Variants in CTNNA3 observed in about 807,000 individuals in gnomAD.
CTNNA3 encodes the protein catenin alpha 3, also known as catenin alpha-3.
A neutral mutation model predicts 95.7 loss-of-function variants in CTNNA3; 76 were observed. That is an observed-to-expected ratio of 0.79 (90% confidence interval 0.66 to 0.96). CTNNA3 has a LOEUF of 0.96. Among genes scored for constraint, CTNNA3 ranks in the 40% least tolerant of loss-of-function variants. CTNNA3 has a pLI of 0.00. For synonymous variants in CTNNA3, 431 were observed against 374.4 expected (o/e 1.15, Z -1.74); for missense variants, 1,191 against 1,089.8 (o/e 1.09, Z -1.31).
rs759911889 is a variant in CTNNA3 at position 66,360,647 on chromosome 10, C to CTTTTCT, written c.1732+18504_1732+18505insAGAAAA. 2.3e-3 allele frequency among the ~76,000 whole-genome samples: 143 copies of CTTTTCT among 61,528 alleles called. 4 individuals carry two copies. The East Asian group carries it at 0.045, about 19-fold the overall frequency. 40.4% of individuals were successfully genotyped at this position (61,528 alleles called of 152,430 possible). A position where few individuals can be genotyped will look rare whatever the true frequency, so the allele number is the denominator to read the frequency against. ...TCTTTCTTTCTTTCTTTCTTTCTTT[C>CTTTTCT]TTTCTTTCTTTCTTCCTTCCTTCCT... On this transcript the variant is annotated intron_variant, in intron 12 of 17. Transcript: ENST00000433211.
intron 2 of CTNNA3, among the ~76,000 whole-genome samples, chr10:67,645,191 G>GCACACA (rs1554869400): frequency 1.4e-5 from 2 of 140,536 alleles, no homozygotes; most frequent in African/African-American, 5.9e-5. Context: ...GTGCACGTGC[G>GCACACA]CGCACACACA....
chr10:67,185,121 CT>C (rs1218919068), intron 6 of CTNNA3, among the ~76,000 whole-genome samples: 10 of 151,728 alleles, frequency 6.6e-5, no homozygotes, highest in Non-Finnish European at 1.3e-4. Flanking sequence ...TCCTATTTTT[CT>C]TTTTTTCTTT....
At chr10:67,056,787 G>A (rs1312276531) in intron 7 of CTNNA3, among the ~76,000 whole-genome samples, 4 of 152,148 alleles carry the variant, frequency 2.6e-5, no homozygotes, top group Admixed American at 2.6e-4. Flanking sequence ...GAATAAATCT[G>A]CTAGAGCAGG....
intron 5 of CTNNA3, among the ~76,000 whole-genome samples, chr10:67,394,563 G>A (rs968643808): frequency 1.3e-5 from 2 of 152,014 alleles, no homozygotes; most frequent in East Asian, 3.9e-4. Flanking sequence ...ACTGGCTAAG[G>A]TCATTCTGAT....
chr10:67,735,216 A>G (rs1009587471), intron 1 of CTNNA3, among the ~76,000 whole-genome samples: 1 of 151,798 alleles, frequency 6.6e-6, no homozygotes, highest in African/African-American at 2.4e-5. Context: ...TCTATAGAGC[A>G]TCCTTTGAGA....
chr10:66,262,670 T>G (rs2091040333), intron 13 of CTNNA3, among the ~76,000 whole-genome samples: 1 of 151,972 alleles, frequency 6.6e-6, no homozygotes, highest in Admixed American at 6.6e-5. Context: ...ACAAAATTAT[T>G]GAGAAGCAAT....
Position 66,059,181 on chromosome 10 carries a change from C to A in CTNNA3, c.2159+10127G>T, listed in dbSNP as rs185017901. 2.6e-3 allele frequency among the ~76,000 whole-genome samples: 390 copies of A among 151,972 alleles called. 6 individuals carry two copies. The highest frequency in any genetic ancestry group is 9.1e-3 in the African/African-American group (377 of 41,484). On this transcript the variant is annotated intron_variant, in intron 15 of 17. Transcript: ENST00000433211. ...GGGGGAGTATCAGGAAGGAATTAGC[C>A]CCATTTTGGTAAGGAAAATTGGCAT...
chr10:66,153,941 G>A (rs753341874), intron 13 of CTNNA3, among the ~76,000 whole-genome samples: 4 of 151,480 alleles, frequency 2.6e-5, no homozygotes, highest in Non-Finnish European at 4.4e-5. Context: ...ATCTGTTGGC[G>A]GGCTGGACCA....
rs138618574 is a variant in CTNNA3, at chr10:67,240,782, A to G, written c.580-20912T>C. Among the ~76,000 whole-genome samples, 27 of 152,284 alleles carry G rather than the reference A, an allele frequency of 1.8e-4. No individual in the cohort carries two copies. The East Asian group carries it at 4.8e-3, about 27-fold the overall frequency. On this transcript the variant is annotated intron_variant, in intron 5 of 17. Coordinates refer to ENST00000433211, the MANE Select transcript of CTNNA3 (RefSeq NM_013266.4). ...CTCCAAAGAAACCTATGAGGAAAAC[A>G]TTATCACTTAATTCTAATGCGGACT...
chr10:67,399,327 T>C (rs1844832263), intron 5 of CTNNA3, among the ~76,000 whole-genome samples: 1 of 152,196 alleles, frequency 6.6e-6, no homozygotes, highest in African/African-American at 2.4e-5. Flanking sequence ...GTAAAACCAA[T>C]ATTATTAATT....
At chr10:67,649,530 T>G (rs1022293006) in intron 1 of CTNNA3, among the ~76,000 whole-genome samples, 2 of 152,186 alleles carry the variant, frequency 1.3e-5, no homozygotes, top group South Asian at 2.1e-4. Flanking sequence ...CAAAAGTTCA[T>G]TTTTCCATGG....
chr10:66,381,248 C>A (rs918072452), intron 11 of CTNNA3, among the ~76,000 whole-genome samples: 1 of 152,042 alleles, frequency 6.6e-6, no homozygotes, highest in Non-Finnish European at 1.5e-5. Flanking sequence ...CCCCTTTGAC[C>A]TGCTTGCTCA....
intron 6 of CTNNA3, among the ~76,000 whole-genome samples, chr10:67,199,890 A>G (rs1564966418): frequency 1.3e-5 from 2 of 152,214 alleles, no homozygotes; most frequent in Non-Finnish European, 2.9e-5. Context: ...ACATAATTCC[A>G]TCAAGAAAAA....
intron 14 of CTNNA3, among the ~76,000 whole-genome samples, chr10:66,075,317 C>A (rs990909443): frequency 6.6e-6 from 1 of 151,712 alleles, no homozygotes; most frequent in Non-Finnish European, 1.5e-5. Context: ...AAATTGTTGT[C>A]ATACAGACCA....
chr10:67,365,378 A>C (rs1240767455), intron 5 of CTNNA3, among the ~76,000 whole-genome samples: 4 of 152,222 alleles, frequency 2.6e-5, no homozygotes, highest in Admixed American at 2.6e-4. Flanking sequence ...GACAAATGGG[A>C]TCTAATTAAA....
intron 13 of CTNNA3, among the ~76,000 whole-genome samples, chr10:66,245,592 C>T (rs1023742105): frequency 5.9e-5 from 9 of 152,172 alleles, no homozygotes; most frequent in Non-Finnish European, 8.8e-5. Flanking sequence ...AGGGTAGCTC[C>T]TTTCTGCAGG....
At chr10:66,116,595 A>AATTAT (rs1175669827) in intron 13 of CTNNA3, among the ~76,000 whole-genome samples, 1 of 152,186 alleles carries the variant, frequency 6.6e-6, no homozygotes, top group Non-Finnish European at 1.5e-5. Flanking sequence ...ATCTAAAAAT[A>AATTAT]ATTATACTGA....
chr10:67,538,246 G>C (rs1323435596), intron 4 of CTNNA3, among the ~76,000 whole-genome samples: 1 of 150,858 alleles, frequency 6.6e-6, no homozygotes, highest in South Asian at 2.1e-4. Flanking sequence ...TACACAGAGA[G>C]GGTCACTCTA....
intron 13 of CTNNA3, among the ~76,000 whole-genome samples, chr10:66,257,389 G>A (rs1240364760): frequency 6.6e-6 from 1 of 152,182 alleles, no homozygotes; most frequent in Non-Finnish European, 1.5e-5. Flanking sequence ...AAAATGGAAG[G>A]CTATTCCTTT....
Sources: allele counts gnomAD v4.1 joint callset (sites outside exome capture counted in the v4.1 genomes callset), GRCh38; gene constraint gnomAD v4.1.1; transcripts MANE v1.5; gene names NCBI Gene and HGNC (gene_info 2026-07-23, HGNC 2026-07-21).